The following SYNE2 variants were observed in gnomAD, a reference collection of about 807,000 sequenced individuals.
SYNE2 encodes the protein spectrin repeat containing nuclear envelope protein 2.
Under a neutral mutation model 856.3 loss-of-function variants are expected in SYNE2, and 431 were observed. That is an observed-to-expected ratio of 0.50 (90% CI 0.47 to 0.55). The LOEUF (loss-of-function observed/expected upper bound fraction) is 0.55. Among genes scored for constraint, SYNE2 ranks in the 20% least tolerant of loss-of-function variants. The pLI, the probability that SYNE2 is intolerant of heterozygous loss-of-function variation, is 0.00. For synonymous variants in SYNE2, 2,923 were observed against 2,872.3 expected, an observed-to-expected ratio of 1.02 and a Z score of -0.56; for missense variants, 8,129 against 8,023.2, an observed-to-expected ratio of 1.01 and a Z score of -0.50.
chr14:63,883,360 A>G (rs1595415765), intron 1 of SYNE2, among the ~76,000 whole-genome samples: 2 of 149,534 alleles, frequency 1.3e-5, no homozygotes, highest in South Asian at 2.1e-4. Flanking sequence ...TGCTCGGCCT[A>G]TTTATTCATT....
chr14:63,886,135 G>C (rs945170619), intron 1 of SYNE2, among the ~76,000 whole-genome samples: 2 of 152,114 alleles, frequency 1.3e-5, no homozygotes, highest in African/African-American at 4.8e-5. Flanking sequence ...CATCCTTACT[G>C]CTTGTTTTTC....
At chr14:64,069,984 C>T (rs1403100207) in intron 51 of SYNE2, among the ~76,000 whole-genome samples, 2 of 152,046 alleles carry the variant, frequency 1.3e-5, no homozygotes, top group African/African-American at 2.4e-5. Context: ...CCAGGGGATT[C>T]GAGGGGAGGC....
chr14:64,025,086 T>C, intron 40 of SYNE2, 44 bp from the exon 41 acceptor site: 1 of 1,614,040 alleles, frequency 6.2e-7, no homozygotes, highest in South Asian at 1.1e-5. Flanking sequence ...TCTTCCATGG[T>C]GTGGTTACTC....
Position 64,052,858 on chromosome 14 carries a change from A to C in SYNE2, c.8945A>C (p.Tyr2982Ser). The stretch of plus-strand genomic sequence containing the variant: ...AATAAAGGTGTTAAAGAGGAGATCT[A>C]TAATCTTAAAGACAGACTCACCGCT... Reference protein sequence around the residue: ...EVNKGVKEEIYNLKDRLTAIK... With the variant: ...EVNKGVKEEISNLKDRLTAIK... Residue 2982 changes from tyrosine (Y) to serine (S), a missense_variant, in exon 48 of 116, where the codon TAT (tyrosine) becomes TCT (serine). Tyr to Ser is a moderately radical substitution (Grantham distance 144). Transcript: ENST00000555002. The C allele has an allele frequency of 6.2e-7, 1 of 1,613,824 alleles. No individual in the cohort carries two copies. Among genetic ancestry groups the C allele is most frequent in the Non-Finnish European group, 8.5e-7 (1 of 1,179,962 alleles).
intron 1 of SYNE2, among the ~76,000 whole-genome samples, chr14:63,807,866 A>ATAT (rs1595129664): frequency 6.6e-5 from 3 of 45,364 alleles, no homozygotes; most frequent in African/African-American, 1.9e-4. Context: ...TATATATATA[A>ATAT]TTTCAATAGT....
At chr14:63,795,913 T>C (rs1252103405) in intron 1 of SYNE2, among the ~76,000 whole-genome samples, 1 of 152,218 alleles carries the variant, frequency 6.6e-6, no homozygotes, top group African/African-American at 2.4e-5. Context: ...TGCATTACAT[T>C]AAATGTTTAG....
intron 95 of SYNE2, among the ~76,000 whole-genome samples, chr14:64,175,352 A>G (rs942835280): frequency 1.3e-5 from 2 of 152,242 alleles, no homozygotes; most frequent in African/African-American, 4.8e-5. Flanking sequence ...TTGAGATTCT[A>G]TTAAGATACT....
Position 64,003,427 on chromosome 14 carries a change from T to G in SYNE2, c.4397+97T>G, listed in dbSNP as rs2096770364. 3.4e-6 allele frequency: 5 copies of G among 1,455,050 alleles called. No homozygotes were observed. In the African/African-American group the frequency reaches 7.2e-5, roughly 21 times the overall value. The allele number at this position is 1,455,050 out of a possible 1,614,324, so 90.1% of individuals were successfully genotyped here. On this transcript the variant is annotated intron_variant, in intron 30 of 115. Transcript: ENST00000555002. ...AGAAATTCTTCCTATGTCTTTCTGC[T>G]TCTATTCCATCCCACTCTATTCAGT...
At chr14:64,098,724 T>A (rs758410300) in intron 62 of SYNE2, 23 bp from the exon 63 acceptor site, 9 of 1,612,680 alleles carry the variant, frequency 5.6e-6, no homozygotes, top group Non-Finnish European at 6.8e-6. Flanking sequence ...AGACTGCAGG[T>A]ATTCTTGTGC....
chr14:64,000,462 G>T (rs1162404505), intron 27 of SYNE2, 100 bp from the exon 28 acceptor site: 1 of 1,093,610 alleles, frequency 9.1e-7, no homozygotes, highest in Non-Finnish European at 1.4e-6. Context: ...GAAACATTGT[G>T]TTTGCTTCCA....
chr14:63,909,438 T>C (rs1412733800), intron 2 of SYNE2, among the ~76,000 whole-genome samples: 1 of 152,176 alleles, frequency 6.6e-6, no homozygotes, highest in African/African-American at 2.4e-5. Flanking sequence ...ATTTGCTATC[T>C]CCAGTTTCTT....
At chr14:63,845,096 T>C (rs139278298) in intron 1 of SYNE2, among the ~76,000 whole-genome samples, 1 of 152,130 alleles carries the variant, frequency 6.6e-6, no homozygotes, top group Non-Finnish European at 1.5e-5. Flanking sequence ...AATTTTGGCA[T>C]ATTGCAAGTT....
rs754870170 is a variant in SYNE2 at position 64,070,817 on chromosome 14, T to G, written c.10604T>G (p.Ile3535Ser). ...QLLLTLLLQRIRSIQNVPESS... is the reference protein window; with the variant it reads ...QLLLTLLLQRSRSIQNVPESS... ...TTACTGACTCTACTTCTTCAGCGCA[T>G]CAGAAGTATCCAGAATGTTCCTGAA... The change falls in exon 52 of 116, where the codon ATC (isoleucine) becomes AGC (serine). Residue 3535 changes from isoleucine (I) to serine (S), a missense_variant. This residue lies in a region of SYNE2 where 5,410 missense variants were observed against 5,284.8 expected (regional missense o/e 1.02). Transcript: ENST00000555002. The G allele has an allele frequency of 1.2e-6, 2 of 1,614,122 alleles. No individual in the cohort carries two copies. The highest frequency in any genetic ancestry group is 1.7e-6 in the Non-Finnish European group (2 of 1,180,004).
At chr14:64,195,808 G>A (rs1015749100) in intron 99 of SYNE2, among the ~76,000 whole-genome samples, 3 of 152,192 alleles carry the variant, frequency 2.0e-5, no homozygotes, top group African/African-American at 7.2e-5. Flanking sequence ...GTTGACTTGC[G>A]TTGGTCTTAG....
intron 99 of SYNE2, among the ~76,000 whole-genome samples, chr14:64,198,890 C>T (rs1360673347): frequency 1.3e-5 from 2 of 152,178 alleles, no homozygotes; most frequent in South Asian, 4.1e-4. Flanking sequence ...TTTACTCCTT[C>T]AACAGCTATT....
intron 115 of SYNE2, 35 bp from the exon 116 acceptor site, chr14:64,225,284 C>T (rs770474632): frequency 6.2e-7 from 1 of 1,614,010 alleles, no homozygotes; most frequent in Non-Finnish European, 8.5e-7. Flanking sequence ...GCCTGTGGAG[C>T]CTCCCAATCA....
rs1384067348 is a variant in SYNE2, at chr14:64,167,306, T to C, written c.16679T>C (p.Leu5560Pro). Residue 5560 changes from leucine to proline, a missense_variant, in exon 91 of 116, where the codon CTT becomes CCT. By Grantham distance (98) the Leu-to-Pro change is moderately conservative (BLOSUM62 -3). Around this residue, in one of 3 missense-constraint regions of SYNE2, gnomAD observed 5,410 missense variants for 5,284.8 expected, o/e 1.02. Coordinates refer to ENST00000555002, the MANE Select transcript of SYNE2 (RefSeq NM_182914.3). ...HLNEVSLKLP[L>P]SDVAVKTLQN... The stretch of plus-strand genomic sequence containing the variant: ...AATGAAGTGAGCCTCAAGCTCCCAC[T>C]TAGTGACGTAGCTGTGAAGACGTTA... 16 of 1,614,108 alleles carry C rather than the reference T, an allele frequency of 9.9e-6. No homozygotes were observed. Among genetic ancestry groups the C allele is most frequent in the Non-Finnish European group, 1.3e-5 (15 of 1,180,036 alleles).
chr14:64,165,515 C>CTTT, intron 90 of SYNE2, 105 bp downstream of exon 90: 2 of 1,289,172 alleles, frequency 1.6e-6, no homozygotes, highest in African/African-American at 1.7e-5. Flanking sequence ...CTAACTCACT[C>CTTT]TTATTTTTTT....
At chr14:63,900,944 G>C (rs2095329072) in intron 1 of SYNE2, among the ~76,000 whole-genome samples, 1 of 152,136 alleles carries the variant, frequency 6.6e-6, no homozygotes, top group African/African-American at 2.4e-5. Context: ...ATAAATAACA[G>C]AGTACAGCTG....
Sources: gnomAD v4.1 joint callset for allele counts (sites outside exome capture counted in the v4.1 genomes callset) on GRCh38, gnomAD v4.1.1 for gene constraint, gnomAD v4.1.1 regional missense constraint, MANE v1.5 for transcripts, NCBI Gene and HGNC (gene_info 2026-07-23, HGNC 2026-07-21) for gene names.